Variants in LHCGR observed in about 807,000 individuals in gnomAD.
LHCGR encodes the protein luteinizing hormone/choriogonadotropin receptor, also known as lutropin-choriogonadotropic hormone receptor.
In LHCGR, 55 loss-of-function variants were observed where a neutral mutation model predicts 60.7. That is an observed-to-expected ratio of 0.91 (90% CI 0.73 to 1.13). LHCGR has a LOEUF of 1.13. Among genes scored for constraint, LHCGR ranks in the 50% most tolerant of loss-of-function variants. The probability of loss-of-function intolerance (pLI) is 0.00; values close to 1 mark genes in which losing one functional copy is unlikely to be tolerated. For missense variants in LHCGR, 862 were observed against 836.0 expected (o/e 1.03, Z -0.38); for synonymous variants, 337 against 316.5 (o/e 1.06, Z -0.69).
intron 1 of LHCGR, among the ~76,000 whole-genome samples, chr2:48,747,245 T>C (rs1669749827): frequency 1.3e-5 from 2 of 152,068 alleles, no homozygotes; most frequent in Non-Finnish European, 2.9e-5. Flanking sequence ...AGCACCACCA[T>C]GCCTGGCTAA....
At chr2:48,741,314 A>C (rs1163727904) in intron 1 of LHCGR, among the ~76,000 whole-genome samples, 1 of 152,224 alleles carries the variant, frequency 6.6e-6, no homozygotes, top group African/African-American at 2.4e-5. Context: ...AGGCAGGCCA[A>C]CATTCAGATT....
intron 10 of LHCGR, among the ~76,000 whole-genome samples, chr2:48,691,845 CA>C (rs60937994): frequency 0.16 from 14,138 of 88,366 alleles, 585 homozygotes; most frequent in African/African-American, 0.21. Context: ...GATTCTGTCT[CA>C]AAAAAAAAAA....
intron 1 of LHCGR, among the ~76,000 whole-genome samples, chr2:48,738,108 T>C (rs1177730431): frequency 6.6e-6 from 1 of 152,250 alleles, no homozygotes; most frequent in Non-Finnish European, 1.5e-5. Context: ...CATCAGCTTC[T>C]TGAGGACATA....
intron 1 of LHCGR, among the ~76,000 whole-genome samples, chr2:48,743,205 C>G (rs1233284202): frequency 2.6e-5 from 4 of 152,222 alleles, no homozygotes; most frequent in African/African-American, 9.6e-5. Context: ...TAATCAATAG[C>G]TTACCAACCA....
chr2:48,735,353 G>A (rs550233706), intron 1 of LHCGR, among the ~76,000 whole-genome samples: 1 of 152,340 alleles, frequency 6.6e-6, no homozygotes, highest in East Asian at 1.9e-4. Context: ...ATATTTGGGG[G>A]CAGGAGTGCA....
intron 10 of LHCGR, among the ~76,000 whole-genome samples, chr2:48,693,008 A>G (rs1263154899): frequency 6.6e-6 from 1 of 152,178 alleles, no homozygotes; most frequent in East Asian, 1.9e-4. Flanking sequence ...GATTATATTG[A>G]GGATGGTTTA....
chr2:48,732,658 C>T (rs990212735), intron 1 of LHCGR, among the ~76,000 whole-genome samples: 1 of 152,128 alleles, frequency 6.6e-6, no homozygotes, highest in African/African-American at 2.4e-5. Flanking sequence ...CACTCTTAAT[C>T]CCATGTCTTG....
At chr2:48,736,354 A>G (rs1334302894) in intron 1 of LHCGR, among the ~76,000 whole-genome samples, 1 of 152,152 alleles carries the variant, frequency 6.6e-6, no homozygotes, top group Non-Finnish European at 1.5e-5. Flanking sequence ...TCTTCCTATC[A>G]ATTCTTACCT....
At chr2:48,754,537 G>A (rs987275116) in intron 1 of LHCGR, among the ~76,000 whole-genome samples, 1 of 151,752 alleles carries the variant, frequency 6.6e-6, no homozygotes, top group Non-Finnish European at 1.5e-5. Context: ...CAATGCAATT[G>A]TTTTTAATAT....
chr2:48,713,947 A>AT (rs1275154730), intron 7 of LHCGR, 39 bp downstream of exon 7: 1 of 1,449,724 alleles, frequency 6.9e-7, no homozygotes, highest in Non-Finnish European at 9.7e-7. Context: ...GTAATATTTC[A>AT]TTTTTATTCC....
At position 48,686,945 on chromosome 2, in the gene LHCGR, A is replaced by T. The variant is rs1679922071; in HGVS notation, c.*752T>A. 2 of 152,198 alleles carry T rather than the reference A, an allele frequency of 1.3e-5. No homozygotes were observed. Among genetic ancestry groups the T allele is most frequent in the African/African-American group, 4.8e-5 (2 of 41,456 alleles). The allele number at this position is 152,198 out of a possible 1,614,324, so 9.4% of individuals were successfully genotyped here. A position where few individuals can be genotyped will look rare whatever the true frequency, so the allele number is the denominator to read the frequency against. ...AAGCAGGAAAACAAAATGCACTGAG[A>T]CAGGGTTCCTACTCACGAGGAGTTT... On this transcript the variant is annotated 3_prime_UTR_variant, in exon 11 of 11. Coordinates refer to ENST00000294954, the MANE Select transcript of LHCGR (RefSeq NM_000233.4).
rs756064812 is a variant in LHCGR at position 48,698,723 on chromosome 2, G to T, written c.758C>A (p.Ser253Tyr). ...TGATGGCAATTTTTTTAGAGAATAG[G>T]ATGACGTGGCAATTAGCCTCTGAAT... ...ESIQRLIATS[S>Y]YSLKKLPSRE... The change falls in exon 9 of 11, where the codon TCC becomes TAC. Residue 253 changes from serine to tyrosine, a missense_variant. Physicochemically the swap from Ser to Tyr is moderately radical, Grantham distance 144 (BLOSUM62 -2). Coordinates refer to ENST00000294954, the MANE Select transcript of LHCGR (RefSeq NM_000233.4). The T allele has an allele frequency of 6.2e-7, 1 of 1,614,128 alleles. No homozygotes were observed.
In LHCGR at chr2:48,688,176, TGAA is replaced by T. The variant is rs759884793; in HGVS notation, c.1618_1620del (p.Phe540del). The stretch of plus-strand genomic sequence containing the variant: ...ATTTTAATGTAGCAAGCACAAATTA[TGAA>T]GAAGGCCACCACATTGAGAATCAGG... On this transcript the variant is annotated inframe_deletion, in exon 11 of 11. Transcript: ENST00000294954. The surrounding 1 kb of genome is among the most constrained non-coding windows in gnomAD (Gnocchi z 5.2). The T allele has an allele frequency of 1.2e-6, 2 of 1,614,072 alleles. No homozygotes were observed. Among genetic ancestry groups the T allele is most frequent in the Admixed American group, 1.7e-5 (1 of 60,006 alleles).
intron 1 of LHCGR, among the ~76,000 whole-genome samples, chr2:48,732,536 T>C (rs186665134): frequency 6.6e-6 from 1 of 152,294 alleles, no homozygotes; most frequent in East Asian, 1.9e-4. Context: ...GAATTTCTCT[T>C]ACATAGCAGA....
chr2:48,696,744 A>G (rs1667132527), intron 9 of LHCGR, among the ~76,000 whole-genome samples: 1 of 152,220 alleles, frequency 6.6e-6, no homozygotes, highest in African/African-American at 2.4e-5. Flanking sequence ...TTATTCTTCT[A>G]CAATACTTAT....
chr2:48,753,624 T>A (rs538803666), intron 1 of LHCGR, among the ~76,000 whole-genome samples: 5 of 152,042 alleles, frequency 3.3e-5, no homozygotes, highest in South Asian at 2.1e-4. Context: ...GTGGGATTTT[T>A]AAAAAAAATT....
intron 1 of LHCGR, among the ~76,000 whole-genome samples, chr2:48,748,249 C>T (rs1669799219): frequency 6.6e-6 from 1 of 152,124 alleles, no homozygotes; most frequent in South Asian, 2.1e-4. Flanking sequence ...TCTTTGGATC[C>T]TGCATGCTAT....
intron 9 of LHCGR, among the ~76,000 whole-genome samples, chr2:48,696,430 G>A (rs1667117124): frequency 6.6e-6 from 1 of 152,156 alleles, no homozygotes; most frequent in Admixed American, 6.5e-5. Context: ...TGTGACATTT[G>A]CCTATTTTCC....
chr2:48,698,891 G>C (rs539073262), intron 8 of LHCGR, 91 bp from the exon 9 acceptor site: 2 of 1,068,924 alleles, frequency 1.9e-6, no homozygotes, highest in Non-Finnish European at 2.7e-6. Context: ...GCCCAGGCTG[G>C]AGTGCAGTGG....
Sources: gnomAD v4.1 joint callset for allele counts (sites outside exome capture counted in the v4.1 genomes callset) on GRCh38, gnomAD v4.1.1 for gene constraint, Gnocchi (gnomAD v3.1) non-coding constraint, MANE v1.5 for transcripts, NCBI Gene and HGNC (gene_info 2026-07-23, HGNC 2026-07-21) for gene names.